The following DPYD variants were observed in gnomAD, a reference collection of about 807,000 sequenced individuals.
DPYD encodes dihydropyrimidine dehydrogenase [NADP(+)].
In DPYD, 109 loss-of-function variants were observed where a neutral mutation model predicts 116.2. That is an observed-to-expected ratio of 0.94 (90% confidence interval 0.80 to 1.10). The LOEUF (loss-of-function observed/expected upper bound fraction) is 1.10, where lower values mean the gene tolerates loss of function less well. Ranked by LOEUF, DPYD falls within the 50% of genes least tolerant of loss-of-function variation. The pLI, the probability that DPYD is intolerant of heterozygous loss-of-function variation, is 0.00. For missense variants in DPYD, 1,302 were observed against 1,254.5 expected (o/e 1.04, Z -0.57); for synonymous variants, 440 against 432.0 (o/e 1.02, Z -0.23).
At position 97,114,720 on chromosome 1, in the gene DPYD, G is replaced by A. The variant is rs17116416; in HGVS notation, c.2623-16088C>T. 4.6e-3 allele frequency among the ~76,000 whole-genome samples: 698 copies of A among 152,122 alleles called. 48 individuals carry two copies. The East Asian group carries it at 0.13, about 27-fold the overall frequency. ...CTGATGGTGGTTATGGCAGCCAATA[G>A]TCTGAGGAAAGCAGATTTTCCCTGA... On this transcript the variant is annotated intron_variant, in intron 20 of 22. Transcript: ENST00000370192.
At chr1:97,173,220 A>ATG (rs1557911256) in intron 20 of DPYD, among the ~76,000 whole-genome samples, 1 of 136,460 alleles carries the variant, frequency 7.3e-6, no homozygotes, top group African/African-American at 2.9e-5. Context: ...ATACACATAT[A>ATG]CGTACATATA....
At chr1:97,157,092 G>A (rs1272208829) in intron 20 of DPYD, among the ~76,000 whole-genome samples, 1 of 136,312 alleles carries the variant, frequency 7.3e-6, no homozygotes, top group Non-Finnish European at 1.5e-5. Context: ...ACAGGAAGGG[G>A]AACATCACAC....
At chr1:97,290,642 G>A (rs1030175503) in intron 18 of DPYD, among the ~76,000 whole-genome samples, 3 of 152,100 alleles carry the variant, frequency 2.0e-5, no homozygotes, top group African/African-American at 7.2e-5. Flanking sequence ...TATGTAGAAA[G>A]CTGAAACTGG....
At chr1:97,121,904 A>G (rs1652468630) in intron 20 of DPYD, among the ~76,000 whole-genome samples, 1 of 152,194 alleles carries the variant, frequency 6.6e-6, no homozygotes. Flanking sequence ...TGTAAGACAG[A>G]CAACATCCTG....
intron 13 of DPYD, among the ~76,000 whole-genome samples, chr1:97,464,105 G>T (rs1677170404): frequency 1.3e-5 from 2 of 151,930 alleles, no homozygotes; most frequent in Admixed American, 1.3e-4. Context: ...TGGATGTAGT[G>T]GTAGGTGCCT....
intron 16 of DPYD, among the ~76,000 whole-genome samples, chr1:97,334,221 T>C (rs1457355944): frequency 2.0e-5 from 3 of 152,248 alleles, no homozygotes; most frequent in African/African-American, 7.2e-5. Flanking sequence ...TTTTCAGTAA[T>C]TGCAAAAATT....
At chr1:97,722,496 T>C (rs1227267644) in intron 4 of DPYD, among the ~76,000 whole-genome samples, 1 of 151,630 alleles carries the variant, frequency 6.6e-6, no homozygotes, top group African/African-American at 2.4e-5. Flanking sequence ...TGAGTGCATA[T>C]GGAAACTCTC....
chr1:97,306,042 G>T, intron 17 of DPYD, 135 bp downstream of exon 17: 1 of 1,380,462 alleles, frequency 7.2e-7, no homozygotes, highest in Non-Finnish European at 1.0e-6. Context: ...GTGGGATCAA[G>T]TGCTCAACTG....
intron 8 of DPYD, among the ~76,000 whole-genome samples, chr1:97,608,172 T>C (rs1235549197): frequency 6.6e-6 from 1 of 151,848 alleles, no homozygotes; most frequent in East Asian, 1.9e-4. Context: ...CAATGGAGAA[T>C]ATATTCGCAC....
intron 3 of DPYD, among the ~76,000 whole-genome samples, chr1:97,825,638 G>A (rs936940313): frequency 6.3e-5 from 8 of 127,434 alleles, no homozygotes; most frequent in African/African-American, 1.2e-4. Context: ...GGGGGAGGGG[G>A]GGAGGGATAG....
intron 19 of DPYD, among the ~76,000 whole-genome samples, chr1:97,228,415 A>G (rs1040094154): frequency 2.6e-5 from 4 of 152,186 alleles, no homozygotes; most frequent in Non-Finnish European, 5.9e-5. Context: ...TTTTGAAATT[A>G]CTAATTTGAG....
At chr1:97,344,468 G>T (rs1669738968) in intron 16 of DPYD, among the ~76,000 whole-genome samples, 1 of 151,456 alleles carries the variant, frequency 6.6e-6, no homozygotes, top group African/African-American at 2.4e-5. Context: ...TAGTAGTGTT[G>T]GTGTCTATTC....
At chr1:97,692,106 A>G (rs1308335228) in intron 6 of DPYD, among the ~76,000 whole-genome samples, 3 of 152,108 alleles carry the variant, frequency 2.0e-5, no homozygotes, top group Admixed American at 1.3e-4. Context: ...TATTTGGTTG[A>G]TTTATTTAAT....
At chr1:97,466,455 G>A (rs1000251656) in intron 13 of DPYD, among the ~76,000 whole-genome samples, 8 of 150,870 alleles carry the variant, frequency 5.3e-5, no homozygotes, top group Non-Finnish European at 1.2e-4. Context: ...CAGTAACAAC[G>A]ACAACAAATA....
intron 14 of DPYD, among the ~76,000 whole-genome samples, chr1:97,384,243 T>TGG (rs1672168203): frequency 8.9e-6 from 1 of 112,190 alleles, no homozygotes; most frequent in Non-Finnish European, 2.0e-5. Context: ...TTATTTACTT[T>TGG]GAGAAAAAAA....
At chr1:97,804,921 G>A (rs1668011944) in intron 3 of DPYD, among the ~76,000 whole-genome samples, 1 of 151,778 alleles carries the variant, frequency 6.6e-6, no homozygotes, top group Non-Finnish European at 1.5e-5. Context: ...TGAGGTAGCT[G>A]CAATTCTATT....
At chr1:97,427,655 C>T (rs541759469) in intron 14 of DPYD, among the ~76,000 whole-genome samples, 65 of 151,740 alleles carry the variant, frequency 4.3e-4, no homozygotes, top group African/African-American at 1.5e-3. Flanking sequence ...CCATAGTTAA[C>T]CTCACAGAAC....
At chr1:97,723,793 A>G (rs1325749768) in intron 4 of DPYD, among the ~76,000 whole-genome samples, 1 of 151,652 alleles carries the variant, frequency 6.6e-6, no homozygotes, top group Admixed American at 6.6e-5. Flanking sequence ...TCTTACACAC[A>G]GAGAAGAAAA....
At chr1:97,287,872 T>C (rs1396627473) in intron 18 of DPYD, among the ~76,000 whole-genome samples, 1 of 152,068 alleles carries the variant, frequency 6.6e-6, no homozygotes, top group Non-Finnish European at 1.5e-5. Flanking sequence ...CCCTAGCCCC[T>C]TGCAAGACAC....
Sources: allele counts gnomAD v4.1 joint callset (sites outside exome capture counted in the v4.1 genomes callset), GRCh38; gene constraint gnomAD v4.1.1; transcripts MANE v1.5; gene names NCBI Gene and HGNC (gene_info 2026-07-23, HGNC 2026-07-21).